The following PAX6 variants were observed in gnomAD, a reference collection of about 807,000 sequenced individuals.
PAX6 encodes paired box 6, also known as paired box protein Pax-6.
PAX6 carries 7 observed loss-of-function variants against 60.7 expected under a neutral mutation model. The ratio of observed to expected loss-of-function variants is 0.12; its 90% CI spans 0.07 to 0.22. The LOEUF (loss-of-function observed/expected upper bound fraction) is 0.22. PAX6 is among the 10% of genes least tolerant of loss of function. The probability of loss-of-function intolerance (pLI) is 1.00; values close to 1 mark genes in which losing one functional copy is unlikely to be tolerated. For synonymous variants in PAX6, 208 were observed against 201.2 expected (o/e 1.03, Z -0.29); for missense variants, 355 against 555.2 (o/e 0.64, Z 3.62).
chr11:31,799,343 G>A (rs901359285), intron 8 of PAX6, among the ~76,000 whole-genome samples: 3 of 152,096 alleles, frequency 2.0e-5, no homozygotes, highest in Admixed American at 6.5e-5. Flanking sequence ...GCCTCCGCCG[G>A]CCGAGCGGCC....
intron 2 of PAX6, chr11:31,810,557 CGCGCTGGCGCTG>C (rs992804891): frequency 3.3e-4 from 90 of 270,114 alleles, no homozygotes; most frequent in South Asian, 2.4e-3. Context: ...GAGCTCAGCC[CGCGCTGGCGCTG>C]GCGCTGGCGC....
intron 8 of PAX6, 139 bp downstream of exon 8, chr11:31,800,552 T>C: frequency 9.8e-7 from 1 of 1,022,548 alleles, no homozygotes; most frequent in Non-Finnish European, 1.5e-6. Flanking sequence ...GTGGTCGATG[T>C]GTCCCAGGCC....
chr11:31,805,977 T>G, intron 4 of PAX6: 13 of 174,322 alleles, frequency 7.5e-5, no homozygotes, highest in Non-Finnish European at 1.1e-4. Flanking sequence ...CCCCGCCGGG[T>G]TGGTGGAGAC....
chr11:31,796,469 G>C (rs1401303337), intron 8 of PAX6, among the ~76,000 whole-genome samples: 2 of 151,394 alleles, frequency 1.3e-5, no homozygotes, highest in East Asian at 2.0e-4. Context: ...GCGCTTGGCT[G>C]GGGGGATGGA....
At position 31,806,731 on chromosome 11, in the gene PAX6, C is replaced by T. The variant is rs182083631; in HGVS notation, c.-52+118G>A. 1.0e-5 allele frequency: 4 copies of T among 392,068 alleles called. No individual in the cohort carries two copies. In the East Asian group the frequency reaches 1.5e-4, roughly 15 times the overall value. The allele number at this position is 392,068 out of a possible 1,614,324, so 24.3% of individuals were successfully genotyped here. ...CAGTTAACCCTTTAATCAGTAGAAG[C>T]GATGCCCCAATTTTGATTTATTTTC... On this transcript the variant is annotated intron_variant, in intron 3 of 13. Coordinates refer to ENST00000640368, the MANE Select transcript of PAX6 (RefSeq NM_001368894.2).
At chr11:31,804,793 G>A (rs1955262541) in intron 4 of PAX6, 1 of 152,256 alleles carries the variant, frequency 6.6e-6, no homozygotes, top group African/African-American at 2.4e-5. Flanking sequence ...AGGCGGGCGC[G>A]TAAGGCCGCC....
rs533541209 is a variant in PAX6, at chr11:31,793,150, C to T, written c.1074+288G>A. The stretch of plus-strand genomic sequence containing the variant: ...GTGCAAGGCTCCCTGGTACCCAAAA[C>T]ATGCCCCACCACCACCCAACATTAT... On this transcript the variant is annotated intron_variant, in intron 12 of 13. Coordinates refer to ENST00000640368, the MANE Select transcript of PAX6 (RefSeq NM_001368894.2). 3.2e-5 allele frequency: 20 copies of T among 619,774 alleles called. No individual in the cohort carries two copies. The East Asian group carries it at 5.2e-4, about 16-fold the overall frequency. 38.4% of individuals were successfully genotyped at this position (619,774 alleles called of 1,614,324 possible).
intron 5 of PAX6, chr11:31,802,282 A>C (rs1199989363): frequency 3.1e-6 from 1 of 322,914 alleles, no homozygotes; most frequent in East Asian, 7.6e-5. Context: ...AATATATATT[A>C]TTCATAAACA....
Position 31,800,703 on chromosome 11 carries a change from G to T in PAX6, c.553C>A (p.Gln185Lys), listed in dbSNP as rs1131692308. 4 of 1,614,148 alleles carry T rather than the reference G, an allele frequency of 2.5e-6. No individual in the cohort carries two copies. The highest frequency in any genetic ancestry group is 3.4e-6 in the Non-Finnish European group (4 of 1,180,002). Residue 185 changes from glutamine to lysine, a missense_variant, in exon 8 of 14, where the codon CAA (glutamine) becomes AAA (lysine). Transcript: ENST00000640368. Reference protein sequence around the residue: ...GWYPGTSVPGQPTQDGCQQQE... With the variant: ...GWYPGTSVPGKPTQDGCQQQE... The stretch of plus-strand genomic sequence containing the variant: ...GCTTGGGTTTTACCTTGCGTAGGTT[G>T]CCCTGGCACCGAAGTCCCCGGATAC...
intron 11 of PAX6, 39 bp from the exon 12 acceptor site, chr11:31,793,592 C>A: frequency 1.2e-6 from 2 of 1,613,442 alleles, no homozygotes; most frequent in Non-Finnish European, 1.7e-6. Context: ...GAGTGAGAGT[C>A]AGAGCCCGGA....
At chr11:31,792,492 TAGCCCCAGA>T (rs1316517296) in intron 12 of PAX6, 1 of 152,258 alleles carries the variant, frequency 6.6e-6, no homozygotes, top group East Asian at 1.9e-4. Flanking sequence ...ACAATCAGTG[TAGCCCCAGA>T]ACTGTTTCCA....
At chr11:31,793,894 C>T in intron 10 of PAX6, 92 bp from the exon 11 acceptor site, 2 of 1,470,842 alleles carry the variant, frequency 1.4e-6, no homozygotes, top group Non-Finnish European at 1.9e-6. Flanking sequence ...ACGCCCATGG[C>T]AGCAGAGCAT....
At chr11:31,808,630 T>C (rs1222585744) in intron 2 of PAX6, 1 of 146,298 alleles carries the variant, frequency 6.8e-6, no homozygotes, top group East Asian at 2.1e-4. Flanking sequence ...GCTTGTAACT[T>C]CTTGATACCA....
chr11:31,807,666 G>C (rs896671812), intron 2 of PAX6: 1 of 152,190 alleles, frequency 6.6e-6, no homozygotes, highest in Non-Finnish European at 1.5e-5. Flanking sequence ...CGAACAGGAG[G>C]GGGTGAGCGT....
In PAX6 at chr11:31,811,014, T is replaced by G; in HGVS notation, c.-315A>C. ...TGGTGTGTGAGAGCAATTCTCAGAT[T>G]CCTGGGAAGGAGACAGAGATTGACA... On this transcript the variant is annotated splice_region_variant and 5_prime_UTR_variant, in exon 2 of 14. Coordinates refer to ENST00000640368, the MANE Select transcript of PAX6 (RefSeq NM_001368894.2). 1 of 399,350 alleles carries G rather than the reference T, an allele frequency of 2.5e-6. No homozygotes were observed. The highest frequency in any genetic ancestry group is 4.4e-6 in the Non-Finnish European group (1 of 226,154). The allele number at this position is 399,350 out of a possible 1,614,324, so 24.7% of individuals were successfully genotyped here.
At chr11:31,806,285 G>A in intron 4 of PAX6, 117 bp downstream of exon 4, 1 of 1,254,210 alleles carries the variant, frequency 8.0e-7, no homozygotes, top group Middle Eastern at 2.7e-4. Flanking sequence ...CAGGTCCCCG[G>A]GCCTCAGTCG....
intron 9 of PAX6, 64 bp downstream of exon 9, chr11:31,794,566 T>G (rs1950937301): frequency 6.4e-7 from 1 of 1,551,558 alleles, no homozygotes; most frequent in African/African-American, 1.4e-5. Context: ...AATTTAGCTC[T>G]TTGTACTGAA....
At chr11:31,803,019 C>T (rs1954624740) in intron 4 of PAX6, 185 bp from the exon 5 acceptor site, 1 of 672,778 alleles carries the variant, frequency 1.5e-6, no homozygotes, top group African/African-American at 1.8e-5. Flanking sequence ...CCCCTGCCAA[C>T]CTGTGCCAAC....
intron 5 of PAX6, chr11:31,802,134 C>G: frequency 3.6e-6 from 2 of 563,180 alleles, no homozygotes; most frequent in South Asian, 2.4e-5. Flanking sequence ...TTTGTGCTGA[C>G]CTTGCTTAAA....
Sources: allele counts gnomAD v4.1 joint callset (sites outside exome capture counted in the v4.1 genomes callset), GRCh38; gene constraint gnomAD v4.1.1; transcripts MANE v1.5; gene names NCBI Gene and HGNC (gene_info 2026-07-23, HGNC 2026-07-21).